The following TLL1 variants were observed in gnomAD, a reference collection of about 807,000 sequenced individuals.
TLL1 encodes tolloid like 1.
A neutral mutation model predicts 128.2 loss-of-function variants in TLL1; 49 were observed. The observed-to-expected ratio is 0.38, with a 90% CI of 0.30 to 0.48. TLL1 has a LOEUF of 0.48. Among genes scored for constraint, TLL1 ranks in the 20% least tolerant of loss-of-function variants. The pLI, the probability that TLL1 is intolerant of heterozygous loss-of-function variation, is 0.96. For synonymous variants in TLL1, 454 were observed against 418.8 expected (o/e 1.08, Z -1.03); for missense variants, 1,123 against 1,242.0 (o/e 0.90, Z 1.44).
chr4:165,912,588 G>A (rs930891750), intron 1 of TLL1, among the ~76,000 whole-genome samples: 5 of 152,190 alleles, frequency 3.3e-5, no homozygotes, highest in Non-Finnish European at 5.9e-5. Context: ...TGAAAAGAGC[G>A]CTTTCAGGCA....
intron 12 of TLL1, 126 bp from the exon 13 acceptor site, chr4:166,054,950 A>G: frequency 1.4e-6 from 1 of 710,696 alleles, no homozygotes; most frequent in South Asian, 2.0e-5. Flanking sequence ...ATTCAAGTAC[A>G]CTCATTTGAT....
intron 8 of TLL1, among the ~76,000 whole-genome samples, chr4:166,022,830 A>G (rs529295496): frequency 5.9e-5 from 9 of 152,200 alleles, no homozygotes; most frequent in Non-Finnish European, 1.2e-4. Context: ...ATCACATGAT[A>G]TAAGGTTTTG....
intron 1 of TLL1, among the ~76,000 whole-genome samples, chr4:165,941,645 T>C (rs891957678): frequency 3.3e-5 from 5 of 152,162 alleles, no homozygotes; most frequent in African/African-American, 1.2e-4. Context: ...TGTACCTGAT[T>C]TGAAGTATAT....
intron 18 of TLL1, among the ~76,000 whole-genome samples, chr4:166,080,202 ATTTTC>A (rs1287185160): frequency 2.6e-5 from 4 of 151,770 alleles, no homozygotes; most frequent in African/African-American, 9.7e-5. Flanking sequence ...CTCACATGGT[ATTTTC>A]TTTGTGTATT....
intron 1 of TLL1, among the ~76,000 whole-genome samples, chr4:165,967,998 C>T (rs992426897): frequency 3.3e-5 from 5 of 152,132 alleles, no homozygotes; most frequent in Non-Finnish European, 7.3e-5. Flanking sequence ...CTAACTTAGA[C>T]AAGTGTCTTC....
rs115432836 is a variant in TLL1 at position 165,910,903 on chromosome 4, T to A, written c.169+36830T>A. On this transcript the variant is annotated intron_variant, in intron 1 of 20. Coordinates refer to ENST00000061240, the MANE Select transcript of TLL1 (RefSeq NM_012464.5). ...TACTATGCCTAAAATCTTTGTTTGTTGATAGACACATAATATTGGTACATA... is the reference window on the plus strand; with the variant it reads ...TACTATGCCTAAAATCTTTGTTTGTAGATAGACACATAATATTGGTACATA... Among the ~76,000 whole-genome samples the A allele has an allele frequency of 3.0e-3, 462 of 152,264 alleles. 2 individuals carry two copies. Among genetic ancestry groups the A allele is most frequent in the African/African-American group, 0.011 (445 of 41,562 alleles).
chr4:165,882,526 A>G (rs1438551244), intron 1 of TLL1, among the ~76,000 whole-genome samples: 3 of 152,174 alleles, frequency 2.0e-5, no homozygotes, highest in Non-Finnish European at 4.4e-5. Context: ...TGTAGCTGGC[A>G]GGCAGTCACC....
chr4:166,051,253 C>G (rs954300264), intron 12 of TLL1, among the ~76,000 whole-genome samples: 1 of 147,530 alleles, frequency 6.8e-6, no homozygotes, highest in East Asian at 2.0e-4. Context: ...TCTCTTTTTT[C>G]TTTTTTCTCC....
intron 2 of TLL1, 69 bp from the exon 3 acceptor site, chr4:165,992,733 CTA>C: frequency 7.4e-7 from 1 of 1,342,560 alleles, no homozygotes; most frequent in Non-Finnish European, 1.1e-6. Flanking sequence ...TCATTGTTGC[CTA>C]TGACTGTTTT....
chr4:165,914,360 CT>C (rs67251725), intron 1 of TLL1, among the ~76,000 whole-genome samples: 13,104 of 152,138 alleles, frequency 0.086, 647 homozygotes, highest in East Asian at 0.24. Context: ...ACATTAATAA[CT>C]TCTTGATTCT....
chr4:166,013,270 C>CCAGGTAGTAA (rs1271067640), intron 7 of TLL1, among the ~76,000 whole-genome samples: 1 of 151,788 alleles, frequency 6.6e-6, no homozygotes, highest in Non-Finnish European at 1.5e-5. Flanking sequence ...GATTATTAAT[C>CCAGGTAGTAA]ATTTGTTTAA....
rs139335833 is a variant in TLL1 at position 165,966,613 on chromosome 4, AG to A, written c.170-22767del. 3.8e-3 allele frequency among the ~76,000 whole-genome samples: 585 copies of A among 152,172 alleles called. 7 individuals carry two copies. The highest frequency in any genetic ancestry group is 0.013 in the African/African-American group (520 of 41,520). On this transcript the variant is annotated intron_variant, in intron 1 of 20. Coordinates refer to ENST00000061240, the MANE Select transcript of TLL1 (RefSeq NM_012464.5). ...AATAAAGGGAAAGACTACAAAAGAGAGAAATTTTAAAGCTGGGTTTCTGGGG... is the reference window on the plus strand; with the variant it reads ...AATAAAGGGAAAGACTACAAAAGAGAAAATTTTAAAGCTGGGTTTCTGGGG...
chr4:165,963,080 A>AAGC (rs1735196299), intron 1 of TLL1, among the ~76,000 whole-genome samples: 7 of 148,272 alleles, frequency 4.7e-5, no homozygotes, highest in Non-Finnish European at 7.4e-5. Flanking sequence ...AAAAAAAAAA[A>AAGC]GTGGTAGCTA....
At chr4:165,986,017 AT>A (rs141245093) in intron 1 of TLL1, among the ~76,000 whole-genome samples, 14 of 147,962 alleles carry the variant, frequency 9.5e-5, no homozygotes, top group East Asian at 4.0e-4. Flanking sequence ...CCATTTTCCC[AT>A]TTTTTTTTTA....
intron 12 of TLL1, among the ~76,000 whole-genome samples, chr4:166,048,917 A>G (rs1248016049): frequency 1.3e-5 from 2 of 152,236 alleles, no homozygotes; most frequent in Non-Finnish European, 2.9e-5. Flanking sequence ...AACTATGTGC[A>G]TAAGTTTTTA....
chr4:166,060,874 G>C (rs1216606497), intron 15 of TLL1, among the ~76,000 whole-genome samples: 4 of 152,158 alleles, frequency 2.6e-5, no homozygotes, highest in African/African-American at 9.7e-5. Flanking sequence ...TGTGTGATTG[G>C]TCAACACTGG....
intron 18 of TLL1, among the ~76,000 whole-genome samples, chr4:166,084,477 C>G (rs931081895): frequency 6.6e-6 from 1 of 152,024 alleles, no homozygotes; most frequent in Non-Finnish European, 1.5e-5. Flanking sequence ...TGTCATGGAA[C>G]TTTTCCCTAT....
At chr4:165,914,342 C>A (rs1172957651) in intron 1 of TLL1, among the ~76,000 whole-genome samples, 1 of 151,122 alleles carries the variant, frequency 6.6e-6, no homozygotes, top group East Asian at 2.0e-4. Flanking sequence ...AATTTGTTTT[C>A]TAAATAAACA....
intron 7 of TLL1, among the ~76,000 whole-genome samples, chr4:166,012,255 G>A (rs1336772158): frequency 6.6e-6 from 1 of 151,554 alleles, no homozygotes; most frequent in East Asian, 1.9e-4. Flanking sequence ...GGCTCACTGA[G>A]GAGGTTCAGT....
Sources: gnomAD v4.1 joint callset for allele counts (sites outside exome capture counted in the v4.1 genomes callset) on GRCh38, gnomAD v4.1.1 for gene constraint, MANE v1.5 for transcripts, NCBI Gene and HGNC (gene_info 2026-07-23, HGNC 2026-07-21) for gene names.